Variants in SEC22A observed in about 807,000 individuals in gnomAD.
SEC22A encodes vesicle-trafficking protein SEC22a.
In SEC22A, 22 loss-of-function variants were observed where a neutral mutation model predicts 35.3. The observed-to-expected ratio is 0.62, with a 90% CI of 0.45 to 0.89. The LOEUF is 0.89. SEC22A is among the 40% of genes least tolerant of loss of function. SEC22A has a pLI of 0.00. For missense variants in SEC22A, 354 were observed against 362.5 expected (o/e 0.98, Z 0.19); for synonymous variants, 119 against 129.5 (o/e 0.92, Z 0.55).
At chr3:123,209,177 C>A in intron 1 of SEC22A, 22 bp from the exon 2 acceptor site, 1 of 1,595,450 alleles carries the variant, frequency 6.3e-7, no homozygotes, top group South Asian at 1.1e-5. Context: ...TTATGTAACC[C>A]AAATTGTTCA....
chr3:123,264,298 A>G (rs1937971592), intron 6 of SEC22A, among the ~76,000 whole-genome samples: 1 of 152,248 alleles, frequency 6.6e-6, no homozygotes, highest in South Asian at 2.1e-4. Context: ...GTTTTTGTGC[A>G]GACATAAGTC....
intron 4 of SEC22A, among the ~76,000 whole-genome samples, chr3:123,242,691 T>C (rs1937534965): frequency 6.6e-6 from 1 of 152,192 alleles, no homozygotes; most frequent in Non-Finnish European, 1.5e-5. Flanking sequence ...TAAGTGCTAA[T>C]TGTGAAGATG....
chr3:123,222,116 C>CT (rs1274935007), intron 2 of SEC22A, among the ~76,000 whole-genome samples: 2 of 101,978 alleles, frequency 2.0e-5, no homozygotes, highest in African/African-American at 7.9e-5. Context: ...CAGGAATATG[C>CT]TTTATAGCAT....
chr3:123,217,384 T>A (rs888707002), intron 2 of SEC22A, among the ~76,000 whole-genome samples: 4 of 94,170 alleles, frequency 4.2e-5, no homozygotes, highest in African/African-American at 7.7e-5. Flanking sequence ...TATTTTTTTA[T>A]TTTTTTTTTT....
intron 5 of SEC22A, among the ~76,000 whole-genome samples, chr3:123,251,083 GAAAGT>G (rs1937608879): frequency 6.6e-6 from 1 of 152,134 alleles, no homozygotes; most frequent in Admixed American, 6.5e-5. Context: ...AACATTTCAA[GAAAGT>G]AAAGGTAAAT....
intron 6 of SEC22A, among the ~76,000 whole-genome samples, chr3:123,270,155 A>G (rs959591204): frequency 3.9e-5 from 6 of 152,212 alleles, no homozygotes; most frequent in African/African-American, 1.2e-4. Flanking sequence ...ATAACGGGGA[A>G]CAGGGTGAAG....
chr3:123,259,654 C>G, intron 6 of SEC22A, 65 bp downstream of exon 6: 1 of 1,058,518 alleles, frequency 9.4e-7, no homozygotes, highest in Non-Finnish European at 1.4e-6. Context: ...TCAGTTCTAA[C>G]AATTGTGCAT....
At chr3:123,260,839 CTTTT>C (rs11293756) in intron 6 of SEC22A, among the ~76,000 whole-genome samples, 7 of 134,648 alleles carry the variant, frequency 5.2e-5, no homozygotes, top group Admixed American at 7.4e-5. Context: ...TTTTCTTTTT[CTTTT>C]TTTTTTTTTT....
chr3:123,233,759 C>T (rs1321897300), intron 4 of SEC22A, among the ~76,000 whole-genome samples: 1 of 152,052 alleles, frequency 6.6e-6, no homozygotes, highest in South Asian at 2.1e-4. Flanking sequence ...TGGTGAAAGA[C>T]AGGATGCTTT....
chr3:123,265,766 A>G (rs1446409307), intron 6 of SEC22A, among the ~76,000 whole-genome samples: 1 of 152,082 alleles, frequency 6.6e-6, no homozygotes, highest in Non-Finnish European at 1.5e-5. Flanking sequence ...CTTTGTCTAT[A>G]TTGCTCCAGC....
intron 2 of SEC22A, among the ~76,000 whole-genome samples, chr3:123,216,303 A>C (rs1937021953): frequency 6.6e-6 from 1 of 152,164 alleles, no homozygotes; most frequent in South Asian, 2.1e-4. Context: ...TGGCTGTGTT[A>C]GGGAAGTGAG....
intron 2 of SEC22A, among the ~76,000 whole-genome samples, chr3:123,210,242 A>G (rs1354103279): frequency 6.6e-6 from 1 of 152,128 alleles, no homozygotes; most frequent in Non-Finnish European, 1.5e-5. Flanking sequence ...TGGAAGACTC[A>G]GAGAAGTTCA....
At chr3:123,257,786 C>A (rs1038685586) in intron 5 of SEC22A, among the ~76,000 whole-genome samples, 3 of 151,850 alleles carry the variant, frequency 2.0e-5, no homozygotes, top group Non-Finnish European at 4.4e-5. Context: ...GTCAGGAGAT[C>A]GAGACCATCC....
chr3:123,238,272 C>T (rs1427850272), intron 4 of SEC22A, among the ~76,000 whole-genome samples: 1 of 152,182 alleles, frequency 6.6e-6, no homozygotes, highest in Admixed American at 6.5e-5. Context: ...AATCTCAGCC[C>T]ACTGCAACCT....
chr3:123,249,374 C>T (rs1019618303), intron 5 of SEC22A, among the ~76,000 whole-genome samples: 16 of 152,296 alleles, frequency 1.1e-4, no homozygotes, highest in African/African-American at 3.8e-4. Flanking sequence ...TTATTAGCTT[C>T]TAATCATGGC....
At chr3:123,205,313 A>T (rs1936833214) in intron 1 of SEC22A, among the ~76,000 whole-genome samples, 1 of 152,220 alleles carries the variant, frequency 6.6e-6, no homozygotes, top group Non-Finnish European at 1.5e-5. Context: ...AGTAGAAACC[A>T]TTCTCTGACA....
chr3:123,256,758 C>CTTTTTTT (rs386397801), intron 5 of SEC22A, among the ~76,000 whole-genome samples: 1 of 83,550 alleles, frequency 1.2e-5, no homozygotes, highest in East Asian at 2.6e-4. Flanking sequence ...TTTTTCTTTC[C>CTTTTTTT]TTTTTTTTTT....
At chr3:123,231,753 TTAAAGA>T (rs1312821917) in intron 4 of SEC22A, among the ~76,000 whole-genome samples, 2 of 151,740 alleles carry the variant, frequency 1.3e-5, no homozygotes, top group Admixed American at 1.3e-4. Flanking sequence ...AACTTTCCAC[TTAAAGA>T]TAATGGAAAA....
chr3:123,215,761 C>G (rs979686076), intron 2 of SEC22A, among the ~76,000 whole-genome samples: 5 of 152,154 alleles, frequency 3.3e-5, no homozygotes, highest in Non-Finnish European at 5.9e-5. Flanking sequence ...ACCCTTAACC[C>G]CTTTCTTGGC....
Sources: allele counts gnomAD v4.1 joint callset (sites outside exome capture counted in the v4.1 genomes callset), GRCh38; gene constraint gnomAD v4.1.1; transcripts MANE v1.5; gene names NCBI Gene and HGNC (gene_info 2026-07-23, HGNC 2026-07-21).